Variants in UBAC2 observed in about 807,000 individuals in gnomAD.
UBAC2 encodes the protein ubiquitin-associated domain-containing protein 2.
A neutral mutation model predicts 44.0 loss-of-function variants in UBAC2; 26 were observed. The observed-to-expected ratio is 0.59, with a 90% CI of 0.43 to 0.82. The LOEUF (loss-of-function observed/expected upper bound fraction) is 0.82. Among genes scored for constraint, UBAC2 ranks in the 40% least tolerant of loss-of-function variants. UBAC2 has a pLI of 0.00. For synonymous variants in UBAC2, 155 were observed against 154.3 expected (o/e 1.00, Z -0.04); for missense variants, 329 against 419.4 (o/e 0.78, Z 1.88).
At chr13:99,371,987 C>T (rs1383575147) in intron 8 of UBAC2, among the ~76,000 whole-genome samples, 3 of 152,218 alleles carry the variant, frequency 2.0e-5, no homozygotes, top group African/African-American at 4.8e-5. Context: ...AATCCACTCC[C>T]GTTTTTTGGT....
At chr13:99,331,712 T>G (rs983779086) in intron 6 of UBAC2, among the ~76,000 whole-genome samples, 5 of 152,224 alleles carry the variant, frequency 3.3e-5, no homozygotes, top group African/African-American at 1.2e-4. Context: ...CAGAAATAAC[T>G]TTGGGAATCC....
intron 4 of UBAC2, among the ~76,000 whole-genome samples, chr13:99,293,700 A>C (rs1439541471): frequency 6.6e-6 from 1 of 152,236 alleles, no homozygotes; most frequent in Non-Finnish European, 1.5e-5. Flanking sequence ...AAATAAATGT[A>C]ATGGAAATCT....
intron 1 of UBAC2, among the ~76,000 whole-genome samples, chr13:99,205,368 A>T (rs889186793): frequency 6.6e-6 from 1 of 152,120 alleles, no homozygotes; most frequent in Non-Finnish European, 1.5e-5. Flanking sequence ...TCATTGCTGT[A>T]GGAGGGAAGA....
chr13:99,378,930 C>T (rs1177157814), intron 8 of UBAC2, among the ~76,000 whole-genome samples: 2 of 152,218 alleles, frequency 1.3e-5, no homozygotes, highest in African/African-American at 4.8e-5. Flanking sequence ...GGGAAAAGTA[C>T]ATGGCATAAA....
chr13:99,220,462 C>G (rs996818776), intron 1 of UBAC2, among the ~76,000 whole-genome samples: 3 of 152,044 alleles, frequency 2.0e-5, no homozygotes, highest in African/African-American at 7.3e-5. Flanking sequence ...ACGTAGTCAC[C>G]CAAGCCTGAT....
At chr13:99,271,238 G>A (rs1336022443) in intron 4 of UBAC2, among the ~76,000 whole-genome samples, 1 of 152,182 alleles carries the variant, frequency 6.6e-6, no homozygotes, top group Non-Finnish European at 1.5e-5. Context: ...GAGTGGGATT[G>A]CAGTTTTAAT....
chr13:99,348,639 A>G (rs995529082), intron 7 of UBAC2, among the ~76,000 whole-genome samples: 2 of 152,256 alleles, frequency 1.3e-5, no homozygotes, highest in Non-Finnish European at 2.9e-5. Flanking sequence ...TGGATCAGTG[A>G]GGCCTTTTAA....
intron 1 of UBAC2, chr13:99,231,408 T>G (rs1211657197): frequency 2.7e-5 from 1 of 37,268 alleles, no homozygotes. Context: ...CTGTATACAT[T>G]TTTTTTTTTT....
Position 99,255,659 on chromosome 13 carries a change from T to C in UBAC2, c.389+11035T>C, listed in dbSNP as rs571822303. 111 of 1,614,136 alleles carry C rather than the reference T, an allele frequency of 6.9e-5. No homozygotes were observed. In the South Asian group the frequency reaches 1.1e-3, roughly 16 times the overall value. On this transcript the variant is annotated intron_variant, in intron 4 of 8. Transcript: ENST00000403766. ...AACATTCGAAAGGGTAAAGTCATTATAAATATCAAGTCCACTAATGCCACA... is the reference window on the plus strand; with the variant it reads ...AACATTCGAAAGGGTAAAGTCATTACAAATATCAAGTCCACTAATGCCACA...
At chr13:99,380,624 A>G (rs968580997) in intron 8 of UBAC2, among the ~76,000 whole-genome samples, 24 of 152,240 alleles carry the variant, frequency 1.6e-4, no homozygotes, top group African/African-American at 5.5e-4. Context: ...CGGAACACCT[A>G]TCCCCTGACC....
intron 1 of UBAC2, among the ~76,000 whole-genome samples, chr13:99,228,014 A>G (rs1364273402): frequency 6.6e-6 from 1 of 152,226 alleles, no homozygotes; most frequent in Non-Finnish European, 1.5e-5. Flanking sequence ...CCAAGAATTT[A>G]TGGTGAAATC....
intron 1 of UBAC2, among the ~76,000 whole-genome samples, chr13:99,213,070 ATTC>A (rs1243001169): frequency 6.6e-6 from 1 of 152,056 alleles, no homozygotes; most frequent in Non-Finnish European, 1.5e-5. Context: ...TTATCTATGC[ATTC>A]TTTTTTTTTC....
At chr13:99,205,041 C>G (rs1010989234) in intron 1 of UBAC2, among the ~76,000 whole-genome samples, 1 of 151,264 alleles carries the variant, frequency 6.6e-6, no homozygotes, top group Non-Finnish European at 1.5e-5. Context: ...GTAGCAGGGA[C>G]TATAGGTGTG....
intron 1 of UBAC2, 138 bp downstream of exon 1, chr13:99,201,077 G>T (rs912014649): frequency 7.5e-7 from 1 of 1,340,720 alleles, no homozygotes; most frequent in East Asian, 2.8e-5. Flanking sequence ...TCCGAACCCT[G>T]CTAGTTCCCG....
At chr13:99,367,686 C>G in intron 7 of UBAC2, 101 bp from the exon 8 acceptor site, 1 of 1,484,500 alleles carries the variant, frequency 6.7e-7, no homozygotes. Context: ...ATACTTCCTT[C>G]CCAGTCTATA....
chr13:99,217,419 C>T (rs2043009740), intron 1 of UBAC2, among the ~76,000 whole-genome samples: 1 of 152,230 alleles, frequency 6.6e-6, no homozygotes, highest in African/African-American at 2.4e-5. Context: ...CCCTCTTTCT[C>T]CAACCCAGAC....
chr13:99,326,126 GT>G (rs2044638129), intron 6 of UBAC2, among the ~76,000 whole-genome samples: 1 of 152,146 alleles, frequency 6.6e-6, no homozygotes, highest in African/African-American at 2.4e-5. Context: ...GTTTTCCATA[GT>G]TGCATCATTT....
intron 6 of UBAC2, among the ~76,000 whole-genome samples, chr13:99,328,152 A>G (rs1192747997): frequency 6.6e-6 from 1 of 152,230 alleles, no homozygotes; most frequent in East Asian, 1.9e-4. Flanking sequence ...AATTTCACCA[A>G]TTTTTAAAAT....
rs1037769668 is a variant in UBAC2 at position 99,386,219 on chromosome 13, G to C, written c.*884G>C. The stretch of plus-strand genomic sequence containing the variant: ...TCCTCAGGGCTTGGGTCTTCAACCT[G>C]TGGCGACAGGAGGCAGGGCAGACTG... On this transcript the variant is annotated 3_prime_UTR_variant, in exon 9 of 9. Transcript: ENST00000403766. The C allele has an allele frequency of 6.6e-6, 1 of 152,338 alleles. No homozygotes were observed. The highest frequency in any genetic ancestry group is 2.4e-5 in the African/African-American group (1 of 41,458). The allele number at this position is 152,338 out of a possible 1,614,324, so 9.4% of individuals were successfully genotyped here. A position where few individuals can be genotyped will look rare whatever the true frequency, so the allele number is the denominator to read the frequency against.
Sources: allele counts gnomAD v4.1 joint callset (sites outside exome capture counted in the v4.1 genomes callset), GRCh38; gene constraint gnomAD v4.1.1; transcripts MANE v1.5; gene names NCBI Gene and HGNC (gene_info 2026-07-23, HGNC 2026-07-21).